Variants in OTUD7A observed in about 807,000 individuals in gnomAD.
OTUD7A encodes OTU deubiquitinase 7A.
OTUD7A carries 12 observed loss-of-function variants against 65.7 expected under a neutral mutation model. The observed-to-expected ratio is 0.18, with a 90% confidence interval of 0.12 to 0.30. The LOEUF is 0.30. OTUD7A is among the 10% of genes least tolerant of loss of function. OTUD7A has a pLI of 1.00. For missense variants in OTUD7A, 1,148 were observed against 1,304.8 expected, an observed-to-expected ratio of 0.88 and a Z score of 1.85; for synonymous variants, 641 against 586.3, an observed-to-expected ratio of 1.09 and a Z score of -1.35.
chr15:31,755,801 A>G (rs1894796542), intron 1 of OTUD7A, among the ~76,000 whole-genome samples: 1 of 152,032 alleles, frequency 6.6e-6, no homozygotes, highest in African/African-American at 2.4e-5. Context: ...ATGCTTCTCA[A>G]TCTACCTTCG....
At chr15:31,589,487 G>GTTTTTT (rs1889655663) in intron 3 of OTUD7A, among the ~76,000 whole-genome samples, 7 of 138,176 alleles carry the variant, frequency 5.1e-5, no homozygotes, top group African/African-American at 2.0e-4. Context: ...TTTTTCTGTA[G>GTTTTTT]AGACGGGGTT....
At chr15:31,867,941 G>C (rs1049693225) in intron 1 of OTUD7A, among the ~76,000 whole-genome samples, 11 of 152,274 alleles carry the variant, frequency 7.2e-5, no homozygotes, top group Admixed American at 2.0e-4. Flanking sequence ...GAGCACACCG[G>C]CGCACACACA....
intron 1 of OTUD7A, among the ~76,000 whole-genome samples, chr15:31,783,944 T>C (rs1895606361): frequency 6.6e-6 from 1 of 152,220 alleles, no homozygotes; most frequent in African/African-American, 2.4e-5. Flanking sequence ...TTCTTGTATC[T>C]ACTACTGTGA....
intron 1 of OTUD7A, among the ~76,000 whole-genome samples, chr15:31,783,107 C>G (rs1256777968): frequency 1.3e-5 from 2 of 152,156 alleles, no homozygotes; most frequent in Non-Finnish European, 2.9e-5. Flanking sequence ...AAGGGAACAG[C>G]CACTGAGCCG....
At chr15:31,655,062 A>G (rs1891948787) in intron 3 of OTUD7A, 34 bp downstream of exon 3, 1 of 1,607,572 alleles carries the variant, frequency 6.2e-7, no homozygotes, top group South Asian at 1.1e-5. Context: ...TTATGCCCAG[A>G]ATGGTGGTGT....
At chr15:31,841,788 T>G (rs527479861) in intron 1 of OTUD7A, among the ~76,000 whole-genome samples, 1 of 152,304 alleles carries the variant, frequency 6.6e-6, no homozygotes, top group East Asian at 1.9e-4. Flanking sequence ...GGAAACCTTA[T>G]TCTAGCTTCT....
At chr15:31,802,099 ATATATGTG>A (rs1329299433) in intron 1 of OTUD7A, among the ~76,000 whole-genome samples, 10 of 49,216 alleles carry the variant, frequency 2.0e-4, no homozygotes, top group Non-Finnish European at 4.0e-4. Flanking sequence ...ATGTGTGTGT[ATATATGTG>A]TGTGTGTGTG....
intron 8 of OTUD7A, among the ~76,000 whole-genome samples, chr15:31,511,102 A>G (rs1595569496): frequency 2.6e-5 from 1 of 38,330 alleles, no homozygotes; most frequent in Non-Finnish European, 4.4e-5. Flanking sequence ...ACATATGTAT[A>G]TCTATATGTA....
chr15:31,510,505 TAC>T (rs1377397328), intron 8 of OTUD7A, among the ~76,000 whole-genome samples: 8 of 142,758 alleles, frequency 5.6e-5, no homozygotes, highest in African/African-American at 2.2e-4. Flanking sequence ...ATATGTAACA[TAC>T]ATATATATGT....
intron 3 of OTUD7A, among the ~76,000 whole-genome samples, chr15:31,610,605 A>ATTTTTTT (rs1472216504): frequency 1.8e-4 from 7 of 38,656 alleles, no homozygotes; most frequent in Non-Finnish European, 2.4e-4. Flanking sequence ...ATATATATAT[A>ATTTTTTT]TATATATATA....
intron 1 of OTUD7A, among the ~76,000 whole-genome samples, chr15:31,798,812 G>C (rs925355140): frequency 8.6e-5 from 13 of 150,876 alleles, no homozygotes; most frequent in Non-Finnish European, 1.8e-4. Context: ...GGCTCAGCTT[G>C]GGGGGGGGCT....
At chr15:31,644,386 A>T (rs1233399798) in intron 3 of OTUD7A, among the ~76,000 whole-genome samples, 4 of 151,884 alleles carry the variant, frequency 2.6e-5, no homozygotes, top group Non-Finnish European at 5.9e-5. Context: ...GAGATCAAGA[A>T]CTTTGGATCA....
Position 31,484,684 on chromosome 15 carries a change from C to A in OTUD7A, c.1412G>T (p.Gly471Val). ...AQPESPTASA[G>V]EDVQSLADSL... is the part of the protein sequence containing the mutation. ...GTCGGCCAGGGACTGCACGTCCTCC[C>A]CTGCCGAGGCCGTGGGAGACTCCGG... Residue 471 changes from glycine to valine, a missense_variant, in exon 13 of 13, where the codon GGG becomes GTG. By Grantham distance (109) the Gly-to-Val change is moderately radical (BLOSUM62 -3). Around this residue, in one of 6 missense-constraint regions of OTUD7A, gnomAD observed 842 missense variants for 769.5 expected, o/e 1.09. Transcript: ENST00000307050. The surrounding 1 kb of genome is among the most constrained non-coding windows in gnomAD (Gnocchi z 4.5). The A allele has an allele frequency of 6.3e-7, 1 of 1,582,696 alleles. No homozygotes were observed. The highest frequency in any genetic ancestry group is 2.3e-5 in the East Asian group (1 of 43,986).
intron 1 of OTUD7A, among the ~76,000 whole-genome samples, chr15:31,761,440 A>C (rs529066861): frequency 4.6e-5 from 7 of 152,320 alleles, no homozygotes; most frequent in African/African-American, 1.7e-4. Context: ...ATCACTAGTC[A>C]TTAAGGAAAA....
At chr15:31,648,879 G>A (rs183834736) in intron 3 of OTUD7A, among the ~76,000 whole-genome samples, 128 of 152,270 alleles carry the variant, frequency 8.4e-4, no homozygotes, top group African/African-American at 3.0e-3. Flanking sequence ...TCCTGCCTCA[G>A]CCTTCTGAGT....
chr15:31,541,749 GA>G (rs1259989906), intron 5 of OTUD7A, among the ~76,000 whole-genome samples: 1 of 152,008 alleles, frequency 6.6e-6, no homozygotes, highest in Non-Finnish European at 1.5e-5. Flanking sequence ...ATAAGAACTC[GA>G]AAAAAGGCTG....
intron 1 of OTUD7A, among the ~76,000 whole-genome samples, chr15:31,717,443 A>G (rs1893620473): frequency 1.3e-5 from 2 of 151,668 alleles, no homozygotes; most frequent in African/African-American, 2.4e-5. Context: ...CCCTGCGTCC[A>G]TGTGTTCTCA....
At chr15:31,663,869 T>C (rs1365330502) in intron 1 of OTUD7A, among the ~76,000 whole-genome samples, 3 of 152,094 alleles carry the variant, frequency 2.0e-5, no homozygotes, top group African/African-American at 7.2e-5. Flanking sequence ...GTATCATTCT[T>C]ATGCCTTTGC....
intron 1 of OTUD7A, among the ~76,000 whole-genome samples, chr15:31,727,048 T>C (rs1425464227): frequency 6.6e-6 from 1 of 152,222 alleles, no homozygotes; most frequent in Non-Finnish European, 1.5e-5. Flanking sequence ...ACCAGGGCCA[T>C]GGGCCATGTG....
Sources: gnomAD v4.1 joint callset for allele counts (sites outside exome capture counted in the v4.1 genomes callset) on GRCh38, gnomAD v4.1.1 for gene constraint, gnomAD v4.1.1 regional missense constraint, Gnocchi (gnomAD v3.1) non-coding constraint, MANE v1.5 for transcripts, NCBI Gene and HGNC (gene_info 2026-07-23, HGNC 2026-07-21) for gene names.